Variants in PCDH15 observed in about 807,000 individuals in gnomAD.
PCDH15 encodes protocadherin related 15, also known as protocadherin-15.
PCDH15 carries 129 observed loss-of-function variants against 178.5 expected under a neutral mutation model. That is an observed-to-expected ratio of 0.72 (90% confidence interval 0.63 to 0.84). The LOEUF is 0.84. Among genes scored for constraint, PCDH15 ranks in the 40% least tolerant of loss-of-function variants. The probability of loss-of-function intolerance (pLI) is 0.00; values close to 1 mark genes in which losing one functional copy is unlikely to be tolerated. For synonymous variants in PCDH15, 800 were observed against 732.0 expected (o/e 1.09, Z -1.50); for missense variants, 2,230 against 2,099.9 (o/e 1.06, Z -1.21).
At chr10:54,168,698 T>G (rs1205914345) in intron 13 of PCDH15, among the ~76,000 whole-genome samples, 1 of 152,154 alleles carries the variant, frequency 6.6e-6, no homozygotes, top group African/African-American at 2.4e-5. Flanking sequence ...TCCAGCCCAG[T>G]TCATGACGTG....
At chr10:54,082,554 G>A (rs1368767109) in intron 16 of PCDH15, among the ~76,000 whole-genome samples, 3 of 152,122 alleles carry the variant, frequency 2.0e-5, no homozygotes, top group Non-Finnish European at 1.5e-5. Context: ...AAAGAATTAA[G>A]TTAGACTACT....
At chr10:55,407,736 A>T (rs1226230658) in intron 2 of PCDH15, among the ~76,000 whole-genome samples, 1 of 152,302 alleles carries the variant, frequency 6.6e-6, no homozygotes, top group East Asian at 1.9e-4. Context: ...ATGTGTACTG[A>T]TTACTTATAA....
At chr10:54,002,353 G>C (rs575342810) in intron 20 of PCDH15, among the ~76,000 whole-genome samples, 11 of 152,124 alleles carry the variant, frequency 7.2e-5, no homozygotes, top group African/African-American at 2.6e-4. Context: ...GGATCTAACA[G>C]TTACTCATAG....
chr10:55,025,976 A>G (rs1337835939), intron 2 of PCDH15, among the ~76,000 whole-genome samples: 2 of 152,008 alleles, frequency 1.3e-5, no homozygotes, highest in African/African-American at 2.4e-5. Context: ...GAATATTAAG[A>G]TGAAAAAAAT....
chr10:55,599,826 T>G, intron 2 of PCDH15: 6 of 845,660 alleles, frequency 7.1e-6, no homozygotes, highest in Non-Finnish European at 1.0e-5. Context: ...CAGTGACATA[T>G]GTTTAAGGGT....
At chr10:54,376,364 C>T (rs1948432770) in intron 4 of PCDH15, among the ~76,000 whole-genome samples, 1 of 150,326 alleles carries the variant, frequency 6.7e-6, no homozygotes, top group African/African-American at 2.4e-5. Context: ...TATATTTTAT[C>T]TATATTTAGC....
rs537756905 is a variant in PCDH15 at position 54,233,881 on chromosome 10, T to C, written c.985+2942A>G. Among the ~76,000 whole-genome samples, 6 of 152,352 alleles carry C rather than the reference T, an allele frequency of 3.9e-5. No homozygotes were observed. The South Asian group carries it at 1.2e-3, about 32-fold the overall frequency. ...TAGTCAATAATTCTGCCATTGATGT[T>C]CATGACAGTAGAACCATTGAAGAGG... is the stretch of plus-strand genomic sequence containing the variant. On this transcript the variant is annotated intron_variant, in intron 9 of 37. Coordinates refer to ENST00000644397, the MANE Select transcript of PCDH15 (RefSeq NM_001384140.1).
intron 21 of PCDH15, among the ~76,000 whole-genome samples, chr10:53,967,450 T>G (rs182334070): frequency 6.6e-5 from 10 of 152,288 alleles, no homozygotes; most frequent in Admixed American, 2.0e-4. Flanking sequence ...TTTTAATTAT[T>G]TGTAGAGATA....
chr10:53,892,827 G>A (rs2133509932), intron 26 of PCDH15, among the ~76,000 whole-genome samples: 1 of 152,226 alleles, frequency 6.6e-6, no homozygotes, highest in South Asian at 2.1e-4. Flanking sequence ...TAGTAACAGC[G>A]ATATATTCTT....
upstream of PCDH15, among the ~76,000 whole-genome samples, chr10:54,804,184 C>G (rs868355059): frequency 6.6e-6 from 1 of 151,962 alleles, no homozygotes; most frequent in Non-Finnish European, 1.5e-5. Context: ...GGACTACAGG[C>G]GCCCACCACC....
intron 29 of PCDH15, among the ~76,000 whole-genome samples, chr10:53,837,780 T>C (rs991854110): frequency 1.1e-4 from 17 of 151,800 alleles, no homozygotes; most frequent in Non-Finnish European, 2.9e-5. Context: ...TACACACATA[T>C]ACACATGTAT....
chr10:54,763,029 G>A (rs1948080991), intron 1 of PCDH15, among the ~76,000 whole-genome samples: 2 of 152,112 alleles, frequency 1.3e-5, no homozygotes, highest in African/African-American at 4.8e-5. Context: ...TACTTGTCAT[G>A]ATTAGATATT....
At chr10:54,577,630 G>C (rs1479095167) in intron 2 of PCDH15, among the ~76,000 whole-genome samples, 1 of 151,882 alleles carries the variant, frequency 6.6e-6, no homozygotes. Flanking sequence ...AAAAGTTCAA[G>C]GCAAAGCATT....
chr10:54,684,789 T>A (rs2094963370), intron 1 of PCDH15, among the ~76,000 whole-genome samples: 1 of 140,120 alleles, frequency 7.1e-6, no homozygotes. Context: ...CCAGGTCAAA[T>A]CATTTGATAG....
intron 2 of PCDH15, among the ~76,000 whole-genome samples, chr10:54,625,997 G>A (rs995725613): frequency 5.9e-5 from 9 of 152,194 alleles, no homozygotes; most frequent in African/African-American, 2.2e-4. Flanking sequence ...GGAAACTGGA[G>A]CAAAGGTGAC....
intron 1 of PCDH15, among the ~76,000 whole-genome samples, chr10:55,276,596 A>G (rs1266747237): frequency 6.6e-6 from 1 of 151,746 alleles, no homozygotes; most frequent in Non-Finnish European, 1.5e-5. Flanking sequence ...TAACTTCTTC[A>G]TTCAATATTT....
intron 1 of PCDH15, among the ~76,000 whole-genome samples, chr10:55,189,393 C>G (rs1466313428): frequency 6.6e-6 from 1 of 151,796 alleles, no homozygotes; most frequent in Non-Finnish European, 1.5e-5. Flanking sequence ...CAATGAAAAT[C>G]CTTCTCTCTT....
chr10:54,649,103 T>C (rs1293574383), intron 2 of PCDH15, among the ~76,000 whole-genome samples: 1 of 152,158 alleles, frequency 6.6e-6, no homozygotes, highest in Non-Finnish European at 1.5e-5. Flanking sequence ...CAGCATGAAC[T>C]GGGCCACTGA....
intron 2 of PCDH15, among the ~76,000 whole-genome samples, chr10:54,942,840 A>G (rs1450888325): frequency 6.6e-6 from 1 of 152,052 alleles, no homozygotes; most frequent in Non-Finnish European, 1.5e-5. Context: ...TGTTATTGTC[A>G]TCATAAAATA....
Sources: gnomAD v4.1 joint callset for allele counts (sites outside exome capture counted in the v4.1 genomes callset) on GRCh38, gnomAD v4.1.1 for gene constraint, MANE v1.5 for transcripts, NCBI Gene and HGNC (gene_info 2026-07-23, HGNC 2026-07-21) for gene names.